The following GPC6 variants were observed in gnomAD, a reference collection of about 807,000 sequenced individuals.
GPC6 encodes the protein glypican-6.
Under a neutral mutation model 55.2 loss-of-function variants are expected in GPC6, and 14 were observed. The ratio of observed to expected loss-of-function variants is 0.25; its 90% CI spans 0.17 to 0.40. The LOEUF (loss-of-function observed/expected upper bound fraction) is 0.40, where lower values mean the gene tolerates loss of function less well. Ranked by LOEUF, GPC6 falls within the 10% of genes least tolerant of loss-of-function variation. The pLI, the probability that GPC6 is intolerant of heterozygous loss-of-function variation, is 1.00. For synonymous variants in GPC6, 278 were observed against 259.6 expected (o/e 1.07, Z -0.68); for missense variants, 641 against 708.5 (o/e 0.90, Z 1.08).
At chr13:94,133,411 C>G (rs957373097) in intron 4 of GPC6, among the ~76,000 whole-genome samples, 9 of 151,788 alleles carry the variant, frequency 5.9e-5, no homozygotes, top group Non-Finnish European at 1.3e-4. Context: ...TTAAAAACTT[C>G]CCACTTAAAA....
At chr13:93,306,362 T>A (rs72637604) in intron 1 of GPC6, among the ~76,000 whole-genome samples, 1 of 152,072 alleles carries the variant, frequency 6.6e-6, no homozygotes, top group Non-Finnish European at 1.5e-5. Context: ...GTGAGAAAAT[T>A]CTGTCTGTCA....
At chr13:93,695,933 A>G (rs2138787182) in intron 2 of GPC6, among the ~76,000 whole-genome samples, 1 of 152,248 alleles carries the variant, frequency 6.6e-6, no homozygotes, top group East Asian at 1.9e-4. Flanking sequence ...ATTCTTATCT[A>G]ATTATGAGTA....
chr13:93,631,824 C>T (rs750517567), intron 2 of GPC6, among the ~76,000 whole-genome samples: 9 of 152,142 alleles, frequency 5.9e-5, no homozygotes, highest in Admixed American at 2.0e-4. Flanking sequence ...ATTTTATGTA[C>T]TCATATATAG....
intron 3 of GPC6, among the ~76,000 whole-genome samples, chr13:94,007,472 T>G (rs986404207): frequency 6.6e-6 from 1 of 152,160 alleles, no homozygotes; most frequent in Admixed American, 6.5e-5. Flanking sequence ...GGTGACACAC[T>G]GTTGCTGCTG....
chr13:94,073,582 T>C (rs1283841142), intron 4 of GPC6, among the ~76,000 whole-genome samples: 1 of 152,116 alleles, frequency 6.6e-6, no homozygotes, highest in Non-Finnish European at 1.5e-5. Context: ...AACATGAACC[T>C]CGGGTTATAG....
At chr13:93,554,760 A>C (rs111425694) in intron 2 of GPC6, among the ~76,000 whole-genome samples, 127 of 152,346 alleles carry the variant, frequency 8.3e-4, no homozygotes, top group African/African-American at 2.9e-3. Context: ...AGACAAGAAC[A>C]GGATCCTGAA....
chr13:93,952,914 T>C (rs989735562), intron 3 of GPC6, among the ~76,000 whole-genome samples: 1 of 149,424 alleles, frequency 6.7e-6, no homozygotes, highest in African/African-American at 2.4e-5. Context: ...TATATGTATA[T>C]ATATACACGT....
chr13:93,829,350 T>C (rs7320107), intron 2 of GPC6, among the ~76,000 whole-genome samples: 64,255 of 151,968 alleles, frequency 0.42, 14,816 homozygotes, highest in African/African-American at 0.6. Flanking sequence ...GCTTTAATTT[T>C]TGTCTTATTT....
intron 2 of GPC6, among the ~76,000 whole-genome samples, chr13:93,663,569 A>G (rs1192651095): frequency 1.3e-5 from 2 of 152,198 alleles, no homozygotes; most frequent in Non-Finnish European, 2.9e-5. Flanking sequence ...AAGTTAATCT[A>G]ATCATATTAT....
intron 4 of GPC6, among the ~76,000 whole-genome samples, chr13:94,228,083 G>A (rs1008956255): frequency 7.2e-5 from 11 of 152,130 alleles, no homozygotes; most frequent in East Asian, 1.9e-4. Context: ...TAATTGTTCC[G>A]TGGGACAAGA....
intron 4 of GPC6, among the ~76,000 whole-genome samples, chr13:94,059,481 G>A (rs1377732050): frequency 6.6e-6 from 1 of 152,060 alleles, no homozygotes; most frequent in African/African-American, 2.4e-5. Flanking sequence ...GGTGCCAACA[G>A]GGAGCAGGAT....
chr13:93,331,443 C>T (rs904878481), intron 1 of GPC6, among the ~76,000 whole-genome samples: 1 of 152,122 alleles, frequency 6.6e-6, no homozygotes, highest in Non-Finnish European at 1.5e-5. Flanking sequence ...GAGTATGATT[C>T]ATCAACTTGA....
chr13:93,354,349 A>ATTTTTTTTTTTTTT (rs11454186), intron 1 of GPC6, among the ~76,000 whole-genome samples: 1 of 115,818 alleles, frequency 8.6e-6, no homozygotes, highest in African/African-American at 3.5e-5. Flanking sequence ...CCGTTGGTAG[A>ATTTTTTTTTTTTTT]TTTTTTTTTT....
intron 1 of GPC6, among the ~76,000 whole-genome samples, chr13:93,292,749 A>C (rs1214593272): frequency 1.3e-5 from 2 of 152,150 alleles, no homozygotes; most frequent in African/African-American, 2.4e-5. Context: ...TATAGTAAGA[A>C]ACTTAAGATA....
At chr13:94,123,628 C>T (rs1289288935) in intron 4 of GPC6, among the ~76,000 whole-genome samples, 1 of 151,924 alleles carries the variant, frequency 6.6e-6, no homozygotes, top group African/African-American at 2.4e-5. Flanking sequence ...TTAAAAACTT[C>T]CCAAAATGCC....
At chr13:93,574,908 A>G (rs1277085557) in intron 2 of GPC6, among the ~76,000 whole-genome samples, 1 of 152,204 alleles carries the variant, frequency 6.6e-6, no homozygotes, top group Non-Finnish European at 1.5e-5. Context: ...TTAATGTCAA[A>G]TTAATTTTCC....
Position 94,273,252 on chromosome 13 carries a change from G to A in GPC6, c.878-13097G>A, listed in dbSNP as rs563960432. 9.2e-5 allele frequency among the ~76,000 whole-genome samples: 14 copies of A among 152,206 alleles called. No individual in the cohort carries two copies. In the South Asian group the frequency reaches 1.9e-3, roughly 20 times the overall value. On this transcript the variant is annotated intron_variant, in intron 4 of 8. Transcript: ENST00000377047. ...GTGGCACCAAGCCTCAAGGCCTGAC[G>A]CACATCTTATGATCATGCCTCTCTC... is the stretch of plus-strand genomic sequence containing the variant.
chr13:93,478,634 A>T (rs1245739849), intron 1 of GPC6, among the ~76,000 whole-genome samples: 2 of 152,256 alleles, frequency 1.3e-5, no homozygotes, highest in South Asian at 2.1e-4. Flanking sequence ...TCAGAGTGAG[A>T]TCACCTGGTT....
chr13:93,881,676 A>C (rs894334035), intron 3 of GPC6, among the ~76,000 whole-genome samples: 7 of 152,044 alleles, frequency 4.6e-5, no homozygotes, highest in Non-Finnish European at 8.8e-5. Context: ...AATACTTGCA[A>C]TTATCTCTGT....
Sources: gnomAD v4.1 joint callset for allele counts (sites outside exome capture counted in the v4.1 genomes callset) on GRCh38, gnomAD v4.1.1 for gene constraint, MANE v1.5 for transcripts, NCBI Gene and HGNC (gene_info 2026-07-23, HGNC 2026-07-21) for gene names.